The following CDK19 variants were observed in gnomAD, a reference collection of about 807,000 sequenced individuals.
The protein encoded by CDK19 is cyclin-dependent kinase 19.
A neutral mutation model predicts 68.3 loss-of-function variants in CDK19; 20 were observed. The ratio of observed to expected loss-of-function variants is 0.29; its 90% confidence interval spans 0.21 to 0.43. The LOEUF is 0.43. Ranked by LOEUF, CDK19 falls within the 20% of genes least tolerant of loss-of-function variation. The pLI is 1.00. For missense variants in CDK19, 339 were observed against 623.5 expected (o/e 0.54, Z 4.86); for synonymous variants, 221 against 222.8 (o/e 0.99, Z 0.07).
At position 110,614,689 on chromosome 6, in the gene CDK19, G is replaced by T. The variant is rs535392689; in HGVS notation, c.1378-23C>A. On this transcript the variant is annotated intron_variant, in intron 12 of 12. Coordinates refer to ENST00000368911, the MANE Select transcript of CDK19 (RefSeq NM_015076.5). ...GTGCTAGGAGAAGGAAACAGGAAAA[G>T]GGAATTACTGATGGAGGAAGAGGAT... 7.0e-5 allele frequency: 113 copies of T among 1,612,918 alleles called. 1 individual carries two copies. The highest frequency in any genetic ancestry group is 6.9e-4 in the South Asian group (63 of 91,010).
At chr6:110,740,942 T>G (rs1302214422) in intron 2 of CDK19, among the ~76,000 whole-genome samples, 1 of 151,770 alleles carries the variant, frequency 6.6e-6, no homozygotes, top group African/African-American at 2.4e-5. Context: ...ATAACTAAAA[T>G]GAAAATTTCA....
At chr6:110,643,085 G>T in intron 4 of CDK19, 1 of 656,734 alleles carries the variant, frequency 1.5e-6, no homozygotes, top group Non-Finnish European at 2.2e-6. Flanking sequence ...AGGTAAGGAA[G>T]CTGAGCCTGC....
At chr6:110,811,546 C>A (rs1426292621) in intron 1 of CDK19, among the ~76,000 whole-genome samples, 2 of 152,076 alleles carry the variant, frequency 1.3e-5, no homozygotes, top group Non-Finnish European at 2.9e-5. Context: ...CGGCGCCCGG[C>A]CAACAAAAGA....
Position 110,746,136 on chromosome 6 carries a change from C to G in CDK19, c.194G>C (p.Arg65Thr), listed in dbSNP as rs1487705565. The change falls in exon 2 of 13, where the codon AGA becomes ACA. Residue 65 changes from arginine to threonine, a missense_variant. Around this residue, in one of 4 missense-constraint regions of CDK19, gnomAD observed 120 missense variants for 224.0 expected, o/e 0.54. Transcript: ENST00000368911. ...EGTGISMSAC[R>T]EIALLRELKH... The stretch of plus-strand genomic sequence containing the variant: ...TTTGTATCCACTTACTGCAATCTCT[C>G]TACAAGCCGACATGGATATTCCTGT... 1 of 1,588,382 alleles carries G rather than the reference C, an allele frequency of 6.3e-7. No individual in the cohort carries two copies. The highest frequency in any genetic ancestry group is 1.1e-5 in the South Asian group (1 of 88,268).
rs577682630 is a variant in CDK19, at chr6:110,624,232, G to A, written c.861-870C>T. On this transcript the variant is annotated intron_variant, in intron 8 of 12. Transcript: ENST00000368911. Reference sequence around the variant, plus strand: ...GCAGAACACTCAGAGTCTACCCTCTGGGAGGGATGTGGATAGGGAGGTGGG... The same window carrying A: ...GCAGAACACTCAGAGTCTACCCTCTAGGAGGGATGTGGATAGGGAGGTGGG... 3.3e-5 allele frequency among the ~76,000 whole-genome samples: 5 copies of A among 152,094 alleles called. No homozygotes were observed. In the South Asian group the frequency reaches 6.2e-4, roughly 19 times the overall value.
At chr6:110,722,534 G>A (rs967537367) in intron 2 of CDK19, among the ~76,000 whole-genome samples, 16 of 130,598 alleles carry the variant, frequency 1.2e-4, no homozygotes, top group Admixed American at 1.2e-3. Flanking sequence ...TCTCATCTTT[G>A]TTTAAAAAAA....
chr6:110,771,459 A>G (rs1780011493), intron 1 of CDK19, among the ~76,000 whole-genome samples: 1 of 152,152 alleles, frequency 6.6e-6, no homozygotes, highest in Admixed American at 6.5e-5. Flanking sequence ...CCAAGTCCCT[A>G]GACTTCATAC....
At chr6:110,778,977 CATGCCA>C (rs893451976) in intron 1 of CDK19, among the ~76,000 whole-genome samples, 2 of 152,136 alleles carry the variant, frequency 1.3e-5, no homozygotes, top group African/African-American at 4.8e-5. Context: ...CTACAGTCAT[CATGCCA>C]AAACTGGACT....
intron 2 of CDK19, among the ~76,000 whole-genome samples, chr6:110,720,043 C>G (rs1273345513): frequency 6.9e-6 from 1 of 145,682 alleles, no homozygotes; most frequent in Non-Finnish European, 1.5e-5. Flanking sequence ...AGCCACTGTG[C>G]TCTGCCATGG....
chr6:110,714,913 T>C (rs1775254686), intron 2 of CDK19, among the ~76,000 whole-genome samples: 1 of 151,872 alleles, frequency 6.6e-6, no homozygotes, highest in Non-Finnish European at 1.5e-5. Flanking sequence ...TCTGTATTTT[T>C]AGTAGAAACG....
At chr6:110,702,125 A>C (rs1774064463) in intron 2 of CDK19, among the ~76,000 whole-genome samples, 1 of 151,906 alleles carries the variant, frequency 6.6e-6, no homozygotes, top group African/African-American at 2.4e-5. Flanking sequence ...TGGGTGACTG[A>C]GCAAGATTCT....
At chr6:110,627,365 T>C (rs1258331910) in intron 6 of CDK19, among the ~76,000 whole-genome samples, 1 of 152,162 alleles carries the variant, frequency 6.6e-6, no homozygotes, top group Non-Finnish European at 1.5e-5. Context: ...TATATATATA[T>C]ACATGACATG....
intron 1 of CDK19, among the ~76,000 whole-genome samples, chr6:110,791,519 T>G (rs1781593644): frequency 6.6e-6 from 1 of 152,152 alleles, no homozygotes; most frequent in African/African-American, 2.4e-5. Flanking sequence ...TACAGGCTAC[T>G]AAAAAGTATG....
At chr6:110,814,700 ACTC>A (rs1172076612) in intron 1 of CDK19, 1 of 569,916 alleles carries the variant, frequency 1.8e-6, no homozygotes, top group Admixed American at 2.2e-5. Context: ...GACCCCACAA[ACTC>A]CTCCTCCACC....
intron 2 of CDK19, among the ~76,000 whole-genome samples, chr6:110,728,299 A>AG (rs1006099612): frequency 1.3e-5 from 2 of 151,252 alleles, no homozygotes; most frequent in African/African-American, 4.9e-5. Flanking sequence ...AAAAAAAAAA[A>AG]AAAAGAGAGA....
intron 1 of CDK19, among the ~76,000 whole-genome samples, chr6:110,764,679 G>A (rs1047010402): frequency 6.6e-6 from 1 of 152,174 alleles, no homozygotes; most frequent in Non-Finnish European, 1.5e-5. Flanking sequence ...GGCCGGACAC[G>A]GTGGCTCACG....
At position 110,768,831 on chromosome 6, in the gene CDK19, A is replaced by G. The variant is rs1014608694; in HGVS notation, c.129-22630T>C. On this transcript the variant is annotated intron_variant, in intron 1 of 12. Coordinates refer to ENST00000368911, the MANE Select transcript of CDK19 (RefSeq NM_015076.5). ...TATCATTACACATTTATCAAAACCC[A>G]TAGAATATACCTAATGTGTAGAGAG... Among the ~76,000 whole-genome samples, 3 of 152,252 alleles carry G rather than the reference A, an allele frequency of 2.0e-5. No homozygotes were observed. The East Asian group carries it at 5.8e-4, about 29-fold the overall frequency.
chr6:110,754,156 A>C (rs894439702), intron 1 of CDK19, among the ~76,000 whole-genome samples: 11 of 151,742 alleles, frequency 7.2e-5, no homozygotes, highest in African/African-American at 2.4e-4. Flanking sequence ...CAGCCTCCCA[A>C]GTAGCTGGGA....
At chr6:110,769,152 CAAAAA>C (rs536664282) in intron 1 of CDK19, among the ~76,000 whole-genome samples, 1 of 50,558 alleles carries the variant, frequency 2.0e-5, no homozygotes, top group Non-Finnish European at 3.7e-5. Flanking sequence ...GACTCTGTCT[CAAAAA>C]AAAAAAAAAA....
Sources: gnomAD v4.1 joint callset for allele counts (sites outside exome capture counted in the v4.1 genomes callset) on GRCh38, gnomAD v4.1.1 for gene constraint, gnomAD v4.1.1 regional missense constraint, MANE v1.5 for transcripts, NCBI Gene and HGNC (gene_info 2026-07-23, HGNC 2026-07-21) for gene names.